Variants in SKAP1 observed in about 807,000 individuals in gnomAD.
The protein encoded by SKAP1 is src kinase associated phosphoprotein 1, also known as src kinase-associated phosphoprotein 1.
In SKAP1, 44 loss-of-function variants were observed where a neutral mutation model predicts 58.5. The observed-to-expected ratio is 0.75, with a 90% CI of 0.59 to 0.97. The LOEUF (loss-of-function observed/expected upper bound fraction) is 0.97, where lower values mean the gene tolerates loss of function less well. Ranked by LOEUF, SKAP1 falls within the 50% of genes least tolerant of loss-of-function variation. The pLI, the probability that SKAP1 is intolerant of heterozygous loss-of-function variation, is 0.00. For missense variants in SKAP1, 390 were observed against 435.2 expected (o/e 0.90, Z 0.92); for synonymous variants, 127 against 149.7 (o/e 0.85, Z 1.11).
chr17:48,276,845 G>T (rs1266027304), intron 4 of SKAP1, among the ~76,000 whole-genome samples: 2 of 152,188 alleles, frequency 1.3e-5, no homozygotes, highest in Non-Finnish European at 2.9e-5. Flanking sequence ...CACAGATTGA[G>T]CTAGTTGTAT....
intron 4 of SKAP1, among the ~76,000 whole-genome samples, chr17:48,300,588 A>G (rs1190470346): frequency 6.6e-6 from 1 of 152,188 alleles, no homozygotes; most frequent in Non-Finnish European, 1.5e-5. Flanking sequence ...TTATACCAAG[A>G]GAGAGTGATG....
intron 4 of SKAP1, among the ~76,000 whole-genome samples, chr17:48,260,730 G>A (rs552827849): frequency 1.3e-4 from 20 of 152,232 alleles, no homozygotes; most frequent in East Asian, 7.7e-4. Context: ...GAATCACCAC[G>A]TGAAAAGAAA....
intron 4 of SKAP1, among the ~76,000 whole-genome samples, chr17:48,237,914 T>A (rs1485029075): frequency 9.3e-6 from 1 of 107,146 alleles, no homozygotes; most frequent in Non-Finnish European, 1.9e-5. Context: ...ATGAGTTTGG[T>A]TCAGATTTTT....
At chr17:48,139,591 A>AAAAAC (rs1044130551) in intron 11 of SKAP1, among the ~76,000 whole-genome samples, 1 of 152,212 alleles carries the variant, frequency 6.6e-6, no homozygotes, top group African/African-American at 2.4e-5. Flanking sequence ...TACTATTAGG[A>AAAAAC]AAAACAAAAC....
At chr17:48,343,070 A>G (rs2066677737) in intron 4 of SKAP1, among the ~76,000 whole-genome samples, 1 of 152,090 alleles carries the variant, frequency 6.6e-6, no homozygotes, top group African/African-American at 2.4e-5. Context: ...CTAACTTTAT[A>G]TTTTTTTATT....
intron 11 of SKAP1, among the ~76,000 whole-genome samples, chr17:48,149,724 CA>C (rs1397782622): frequency 6.6e-6 from 1 of 152,184 alleles, no homozygotes; most frequent in East Asian, 1.9e-4. Context: ...CTGTGTGTGT[CA>C]GGGGCACGCA....
chr17:48,349,582 C>G (rs561147852), intron 3 of SKAP1, among the ~76,000 whole-genome samples: 56 of 152,288 alleles, frequency 3.7e-4, no homozygotes, highest in African/African-American at 1.3e-3. Flanking sequence ...GGTTCACCTG[C>G]TATTAGCAGG....
intron 1 of SKAP1, among the ~76,000 whole-genome samples, 157 bp downstream of exon 1, chr17:48,429,918 T>A (rs1422972004): frequency 6.6e-6 from 1 of 151,642 alleles, no homozygotes; most frequent in Non-Finnish European, 1.5e-5. Flanking sequence ...GGTGAGAGGA[T>A]GGAAAGCTGG....
chr17:48,283,587 A>G (rs1279317918), intron 4 of SKAP1, among the ~76,000 whole-genome samples: 1 of 152,156 alleles, frequency 6.6e-6, no homozygotes, highest in Non-Finnish European at 1.5e-5. Context: ...GACTGGCTAT[A>G]TTTCACTCTA....
At chr17:48,270,882 C>T (rs915218678) in intron 4 of SKAP1, among the ~76,000 whole-genome samples, 3 of 148,266 alleles carry the variant, frequency 2.0e-5, no homozygotes, top group Non-Finnish European at 3.0e-5. Context: ...ATTATTAATG[C>T]TGGAATTCAA....
chr17:48,330,657 T>C (rs1297980809), intron 4 of SKAP1, among the ~76,000 whole-genome samples: 6 of 152,242 alleles, frequency 3.9e-5, no homozygotes, highest in Non-Finnish European at 7.3e-5. Context: ...CTTCTGGCAG[T>C]TGGCACACCC....
Position 48,155,435 on chromosome 17 carries a change from T to C in SKAP1, c.978+7034A>G, listed in dbSNP as rs528857837. On this transcript the variant is annotated intron_variant, in intron 11 of 12. Transcript: ENST00000336915. ...GCCCTGCCAACAAGCATTATTATTA[T>C]TTGGAAAGAATGTTCCCTAGTGAGA... Among the ~76,000 whole-genome samples, 6 of 152,002 alleles carry C rather than the reference T, an allele frequency of 3.9e-5. No individual in the cohort carries two copies. The South Asian group carries it at 1.3e-3, about 32-fold the overall frequency.
chr17:48,170,158 G>A (rs2064188835), intron 10 of SKAP1, among the ~76,000 whole-genome samples: 1 of 152,148 alleles, frequency 6.6e-6, no homozygotes, highest in Non-Finnish European at 1.5e-5. Flanking sequence ...CATCACCAAG[G>A]AATTTTATCT....
intron 1 of SKAP1, among the ~76,000 whole-genome samples, chr17:48,416,829 G>C (rs556243299): frequency 1.2e-4 from 19 of 152,254 alleles, no homozygotes; most frequent in Middle Eastern, 6.8e-3. Context: ...GAAGTTATCA[G>C]ACCATTAGGA....
chr17:48,147,321 A>G (rs887391785), intron 11 of SKAP1, among the ~76,000 whole-genome samples: 3 of 152,188 alleles, frequency 2.0e-5, no homozygotes, highest in South Asian at 2.1e-4. Context: ...ATACATTGCT[A>G]TTAGTTAAGA....
chr17:48,199,911 T>C (rs1046401417), intron 4 of SKAP1, among the ~76,000 whole-genome samples: 1 of 152,066 alleles, frequency 6.6e-6, no homozygotes, highest in Admixed American at 6.5e-5. Flanking sequence ...CATATTAGAT[T>C]CTTCTTTGGT....
chr17:48,338,000 C>T (rs2066596673), intron 4 of SKAP1, among the ~76,000 whole-genome samples: 1 of 151,446 alleles, frequency 6.6e-6, no homozygotes, highest in African/African-American at 2.4e-5. Flanking sequence ...TTCCTTCCTA[C>T]CTTCCTTCCT....
chr17:48,372,075 G>A (rs995557410), intron 2 of SKAP1, among the ~76,000 whole-genome samples: 2 of 151,774 alleles, frequency 1.3e-5, no homozygotes, highest in African/African-American at 2.4e-5. Flanking sequence ...GGGTTCACGC[G>A]ATTCTCGTAC....
chr17:48,144,190 A>G (rs2063801470), intron 11 of SKAP1, among the ~76,000 whole-genome samples: 1 of 152,182 alleles, frequency 6.6e-6, no homozygotes, highest in African/African-American at 2.4e-5. Context: ...TGGGAGCTTA[A>G]TCAAAGCACC....
Sources: gnomAD v4.1 joint callset for allele counts (sites outside exome capture counted in the v4.1 genomes callset) on GRCh38, gnomAD v4.1.1 for gene constraint, MANE v1.5 for transcripts, NCBI Gene and HGNC (gene_info 2026-07-23, HGNC 2026-07-21) for gene names.